The following PDE3A variants were observed in gnomAD, a reference collection of about 807,000 sequenced individuals.
PDE3A encodes cGMP-inhibited 3',5'-cyclic phosphodiesterase 3A.
A neutral mutation model predicts 98.3 loss-of-function variants in PDE3A; 43 were observed. That is an observed-to-expected ratio of 0.44 (90% CI 0.34 to 0.56). The LOEUF (loss-of-function observed/expected upper bound fraction) is 0.56. Ranked by LOEUF, PDE3A falls within the 20% of genes least tolerant of loss-of-function variation. The pLI is 0.01. For synonymous variants in PDE3A, 663 were observed against 567.9 expected, an observed-to-expected ratio of 1.17 and a Z score of -2.38; for missense variants, 1,427 against 1,440.7, an observed-to-expected ratio of 0.99 and a Z score of 0.15.
chr12:20,603,153 T>C (rs1287248154), intron 2 of PDE3A, among the ~76,000 whole-genome samples: 1 of 152,112 alleles, frequency 6.6e-6, no homozygotes, highest in Non-Finnish European at 1.5e-5. Flanking sequence ...CAAAGTTGGA[T>C]GAGAAAAGCC....
At chr12:20,596,246 A>G (rs1464669644) in intron 2 of PDE3A, among the ~76,000 whole-genome samples, 1 of 152,148 alleles carries the variant, frequency 6.6e-6, no homozygotes, top group South Asian at 2.1e-4. Flanking sequence ...TTATGACCAA[A>G]TGACTTATTT....
chr12:20,658,809 G>A (rs1469016909), intron 15 of PDE3A, among the ~76,000 whole-genome samples: 1 of 152,004 alleles, frequency 6.6e-6, no homozygotes, highest in Non-Finnish European at 1.5e-5. Context: ...CTAATTAGAG[G>A]CTGGGAGAAG....
chr12:20,569,495 C>CA (rs1228477022), intron 2 of PDE3A, among the ~76,000 whole-genome samples: 1 of 152,018 alleles, frequency 6.6e-6, no homozygotes, highest in African/African-American at 2.4e-5. Context: ...TTTTGCAGAA[C>CA]AAAATCACAG....
intron 2 of PDE3A, among the ~76,000 whole-genome samples, chr12:20,578,474 T>TAC (rs5796870): frequency 0.031 from 4,658 of 148,522 alleles, 76 homozygotes; most frequent in Non-Finnish European, 0.039. Context: ...ATACAACTAA[T>TAC]ACACACACAC....
At chr12:20,670,672 C>G (rs1298766569) in intron 15 of PDE3A, among the ~76,000 whole-genome samples, 3 of 146,460 alleles carry the variant, frequency 2.0e-5, no homozygotes, top group Non-Finnish European at 3.0e-5. Context: ...CACAACATAC[C>G]AGAATCTCTG....
intron 2 of PDE3A, among the ~76,000 whole-genome samples, chr12:20,570,407 C>CAAAAAAAAAAAAAAAAAAA (rs61242685): frequency 4.6e-5 from 2 of 43,344 alleles, no homozygotes; most frequent in Admixed American, 4.4e-4. Flanking sequence ...GACGCTGTCT[C>CAAAAAAAAAAAAAAAAAAA]AAAAAAAAAA....
At chr12:20,389,345 G>T (rs1450317650) in intron 1 of PDE3A, among the ~76,000 whole-genome samples, 1 of 151,872 alleles carries the variant, frequency 6.6e-6, no homozygotes, top group Non-Finnish European at 1.5e-5. Context: ...GTTATCCACT[G>T]AGGAGGCACA....
rs3059415 is a variant in PDE3A at position 20,680,826 on chromosome 12, CTG to C, written c.*598_*599del. The C allele has an allele frequency of 0.32, 43,630 of 137,716 alleles. 6,641 individuals are homozygous for C. Among genetic ancestry groups the C allele is most frequent in the East Asian group, 0.52 (2,380 of 4,616 alleles). The allele number at this position is 137,716 out of a possible 1,614,324, so 8.5% of individuals were successfully genotyped here. On this transcript the variant is annotated 3_prime_UTR_variant, in exon 16 of 16. Transcript: ENST00000359062. ...TGAATTCTGATACATCCTGCCAACA[CTG>C]TGTGTGTGTGTGTGTGTGTGTGTGT...
chr12:20,569,971 G>A (rs1942756357), intron 2 of PDE3A, among the ~76,000 whole-genome samples: 2 of 152,100 alleles, frequency 1.3e-5, no homozygotes, highest in Non-Finnish European at 2.9e-5. Flanking sequence ...TCAGTTCTGA[G>A]TACATAATTT....
At chr12:20,469,188 A>C (rs1262122004) in intron 1 of PDE3A, among the ~76,000 whole-genome samples, 2 of 152,092 alleles carry the variant, frequency 1.3e-5, no homozygotes, top group Non-Finnish European at 2.9e-5. Flanking sequence ...TTCATATTTA[A>C]CCCTTAAATA....
At chr12:20,646,375 C>G in intron 10 of PDE3A, 115 bp from the exon 11 acceptor site, 3 of 634,094 alleles carry the variant, frequency 4.7e-6, no homozygotes, top group Middle Eastern at 5.1e-4. Flanking sequence ...GTTTGGCCAA[C>G]TTTCATGGAA....
intron 1 of PDE3A, among the ~76,000 whole-genome samples, chr12:20,520,656 T>C (rs930815893): frequency 4.6e-5 from 7 of 152,230 alleles, no homozygotes; most frequent in Non-Finnish European, 8.8e-5. Context: ...CAGATCACAT[T>C]GCCAAATGAT....
intron 1 of PDE3A, among the ~76,000 whole-genome samples, chr12:20,424,892 T>A (rs1944578818): frequency 6.6e-6 from 1 of 152,226 alleles, no homozygotes; most frequent in South Asian, 2.1e-4. Flanking sequence ...CACTGTGTTC[T>A]GTCTCTGTGC....
Position 20,386,049 on chromosome 12 carries a change from T to TA in PDE3A, c.960+15808dup, listed in dbSNP as rs1555140903. Among the ~76,000 whole-genome samples the TA allele has an allele frequency of 3.2e-3, 158 of 49,218 alleles. 5 individuals carry two copies. The highest frequency in any genetic ancestry group is 0.01 in the African/African-American group (139 of 13,308). 32.3% of individuals were successfully genotyped at this position (49,218 alleles called of 152,430 possible). ...TATATAAATATATATAAAATATATA[T>TA]AAATATATATAAATATATATAAAAT... On this transcript the variant is annotated intron_variant, in intron 1 of 15. Coordinates refer to ENST00000359062, the MANE Select transcript of PDE3A (RefSeq NM_000921.5).
chr12:20,385,701 A>G (rs1943743663), intron 1 of PDE3A, among the ~76,000 whole-genome samples: 1 of 150,732 alleles, frequency 6.6e-6, no homozygotes, highest in Non-Finnish European at 1.5e-5. Flanking sequence ...AAAAAAACAA[A>G]CACCACATAT....
At chr12:20,675,305 T>G (rs756309562) in intron 15 of PDE3A, among the ~76,000 whole-genome samples, 1 of 152,212 alleles carries the variant, frequency 6.6e-6, no homozygotes, top group Non-Finnish European at 1.5e-5. Flanking sequence ...TTTTAAAAAA[T>G]GTTTTGAGAC....
At chr12:20,638,867 T>A (rs943977027) in intron 9 of PDE3A, among the ~76,000 whole-genome samples, 21 of 152,064 alleles carry the variant, frequency 1.4e-4, no homozygotes, top group African/African-American at 3.1e-4. Context: ...GTTTTTTTTT[T>A]AAATATGTAT....
intron 1 of PDE3A, among the ~76,000 whole-genome samples, chr12:20,543,359 A>G (rs1941971595): frequency 1.3e-5 from 2 of 151,812 alleles, no homozygotes; most frequent in Non-Finnish European, 2.9e-5. Context: ...AGTCCTTTCC[A>G]TATTGAACAG....
chr12:20,505,760 T>C (rs528219149), intron 1 of PDE3A, among the ~76,000 whole-genome samples: 1 of 152,216 alleles, frequency 6.6e-6, no homozygotes, highest in South Asian at 2.1e-4. Flanking sequence ...ATTCTAAATA[T>C]ATTTTTAATG....
Sources: gnomAD v4.1 joint callset for allele counts (sites outside exome capture counted in the v4.1 genomes callset) on GRCh38, gnomAD v4.1.1 for gene constraint, MANE v1.5 for transcripts, NCBI Gene and HGNC (gene_info 2026-07-23, HGNC 2026-07-21) for gene names.